The following C8orf34 variants were observed in gnomAD, a reference collection of about 807,000 sequenced individuals.
C8orf34 encodes chromosome 8 open reading frame 34, also known as uncharacterized protein C8orf34.
A neutral mutation model predicts 68.3 loss-of-function variants in C8orf34; 65 were observed. The ratio of observed to expected loss-of-function variants is 0.95; its 90% CI spans 0.78 to 1.17. The LOEUF (loss-of-function observed/expected upper bound fraction) is 1.17. C8orf34 is among the 50% of genes most tolerant of loss of function. C8orf34 has a pLI of 0.00. For synonymous variants in C8orf34, 244 were observed against 241.2 expected (o/e 1.01, Z -0.11); for missense variants, 664 against 655.4 (o/e 1.01, Z -0.14).
At chr8:68,720,600 T>C (rs1195313053) in intron 9 of C8orf34, among the ~76,000 whole-genome samples, 1 of 151,916 alleles carries the variant, frequency 6.6e-6, no homozygotes, top group East Asian at 1.9e-4. Context: ...TAACTGATTT[T>C]TTTTTTTAAT....
chr8:68,575,604 A>G lies in C8orf34; in HGVS notation c.1105+42455A>G, dbSNP rs1359741403. Among the ~76,000 whole-genome samples the G allele has an allele frequency of 5.9e-5, 9 of 152,204 alleles. No individual in the cohort carries two copies. The South Asian group carries it at 1.7e-3, about 28-fold the overall frequency. On this transcript the variant is annotated intron_variant, in intron 7 of 13. Coordinates refer to ENST00000518698, the MANE Select transcript of C8orf34 (RefSeq NM_052958.4). ...ATATATTTTGTCAGTATAAGGGTGT[A>G]TAATCTCTACAGCTCATACACAATG...
At chr8:68,594,110 G>T (rs1817474573) in intron 7 of C8orf34, among the ~76,000 whole-genome samples, 1 of 151,944 alleles carries the variant, frequency 6.6e-6, no homozygotes, top group African/African-American at 2.4e-5. Flanking sequence ...AAAGTCTTGT[G>T]GTCTTGGGAT....
At chr8:68,356,782 C>T (rs1806766685) in intron 1 of C8orf34, among the ~76,000 whole-genome samples, 1 of 152,020 alleles carries the variant, frequency 6.6e-6, no homozygotes, top group Non-Finnish European at 1.5e-5. Context: ...TAGTATTCTA[C>T]ATGAAATATA....
chr8:68,550,082 A>G (rs1816015292), intron 7 of C8orf34, among the ~76,000 whole-genome samples: 1 of 151,852 alleles, frequency 6.6e-6, no homozygotes. Flanking sequence ...ATTAACATTT[A>G]AAGTAATTAT....
chr8:68,527,711 A>C (rs1815071951), intron 6 of C8orf34, among the ~76,000 whole-genome samples: 1 of 152,200 alleles, frequency 6.6e-6, no homozygotes. Flanking sequence ...TTTGCTCTAC[A>C]GTCTCTCTTC....
At chr8:68,731,969 G>A (rs150418451) in intron 10 of C8orf34, among the ~76,000 whole-genome samples, 28 of 152,314 alleles carry the variant, frequency 1.8e-4, no homozygotes, top group East Asian at 1.5e-3. Flanking sequence ...CTTTCATTCC[G>A]TGCAAGCAGC....
chr8:68,751,155 G>A (rs570447710), intron 10 of C8orf34, among the ~76,000 whole-genome samples: 16 of 152,232 alleles, frequency 1.1e-4, no homozygotes, highest in Non-Finnish European at 2.1e-4. Flanking sequence ...GGAAATTCAC[G>A]TTGTGTTTAA....
intron 8 of C8orf34, among the ~76,000 whole-genome samples, chr8:68,670,760 C>T (rs962760081): frequency 6.6e-6 from 1 of 152,190 alleles, no homozygotes; most frequent in South Asian, 2.1e-4. Flanking sequence ...TACATATGCA[C>T]ATTAATTTGT....
At chr8:68,639,927 C>T (rs547212883) in intron 7 of C8orf34, among the ~76,000 whole-genome samples, 3 of 152,132 alleles carry the variant, frequency 2.0e-5, no homozygotes, top group Non-Finnish European at 2.9e-5. Context: ...TCGTTAGAAA[C>T]GGAGGATTTA....
intron 1 of C8orf34, among the ~76,000 whole-genome samples, chr8:68,334,486 A>G (rs1341221725): frequency 6.6e-6 from 1 of 151,794 alleles, no homozygotes; most frequent in Non-Finnish European, 1.5e-5. Flanking sequence ...GTTTGTGTAC[A>G]CACACATTTT....
At chr8:68,383,152 A>G (rs1808114318) in intron 1 of C8orf34, among the ~76,000 whole-genome samples, 2 of 152,208 alleles carry the variant, frequency 1.3e-5, no homozygotes, top group African/African-American at 4.8e-5. Flanking sequence ...CACACACTTG[A>G]GAGTGAAATT....
In C8orf34 at chr8:68,725,746, C is replaced by T. The variant is rs549217059; in HGVS notation, c.1404+4309C>T. Among the ~76,000 whole-genome samples the T allele has an allele frequency of 7.2e-5, 11 of 152,212 alleles. No homozygotes were observed. In the South Asian group the frequency reaches 2.3e-3, roughly 32 times the overall value. ...AGGGCAGGACAAAAACTCATGGTTC[C>T]CAGTGCCCAAACTGTCTTTCATAGA... is the stretch of plus-strand genomic sequence containing the variant. On this transcript the variant is annotated intron_variant, in intron 10 of 13. Transcript: ENST00000518698.
At chr8:68,534,501 A>T in intron 7 of C8orf34, 1 of 616,010 alleles carries the variant, frequency 1.6e-6, no homozygotes, top group Non-Finnish European at 2.0e-6. Context: ...TAACTGCGCT[A>T]ATTGGATGAA....
intron 7 of C8orf34, among the ~76,000 whole-genome samples, chr8:68,575,040 AAAT>A (rs1341546210): frequency 6.6e-6 from 1 of 151,966 alleles, no homozygotes; most frequent in Non-Finnish European, 1.5e-5. Flanking sequence ...TTTTAAAGTA[AAAT>A]AATAAGTTTA....
At position 68,446,310 on chromosome 8, in the gene C8orf34, A is replaced by G. The variant is rs1191515551; in HGVS notation, c.476-19A>G. The G allele has an allele frequency of 1.6e-5, 25 of 1,563,604 alleles. No individual in the cohort carries two copies. Among genetic ancestry groups the G allele is most frequent in the Non-Finnish European group, 1.8e-5 (21 of 1,160,800 alleles). Reference sequence around the variant, plus strand: ...TGAAATCACTTTGTTGCCATTTTATATATATTTTGTTTTAACAGAATCCAA... The same window carrying G: ...TGAAATCACTTTGTTGCCATTTTATGTATATTTTGTTTTAACAGAATCCAA... On this transcript the variant is annotated intron_variant, in intron 2 of 13. Coordinates refer to ENST00000518698, the MANE Select transcript of C8orf34 (RefSeq NM_052958.4).
intron 7 of C8orf34, among the ~76,000 whole-genome samples, chr8:68,537,297 C>G (rs1405992528): frequency 2.0e-5 from 3 of 152,014 alleles, no homozygotes; most frequent in African/African-American, 7.2e-5. Context: ...TAATCTAAAA[C>G]ACAAGGGACT....
intron 7 of C8orf34, among the ~76,000 whole-genome samples, chr8:68,591,183 A>T (rs1056319972): frequency 6.6e-5 from 10 of 152,156 alleles, no homozygotes; most frequent in Admixed American, 6.6e-4. Context: ...TTCAGAAGAA[A>T]ATCGCCAAAC....
At chr8:68,385,251 A>G (rs187528745) in intron 1 of C8orf34, among the ~76,000 whole-genome samples, 1 of 152,272 alleles carries the variant, frequency 6.6e-6, no homozygotes, top group East Asian at 1.9e-4. Flanking sequence ...AGGCACAGAG[A>G]GGTTAAGAAA....
chr8:68,497,401 C>T (rs1232825809), intron 5 of C8orf34, among the ~76,000 whole-genome samples: 1 of 152,190 alleles, frequency 6.6e-6, no homozygotes, highest in Non-Finnish European at 1.5e-5. Context: ...CAATTTCACA[C>T]ATTGCTAGTG....
Sources: allele counts gnomAD v4.1 joint callset (sites outside exome capture counted in the v4.1 genomes callset), GRCh38; gene constraint gnomAD v4.1.1; transcripts MANE v1.5; gene names NCBI Gene and HGNC (gene_info 2026-07-23, HGNC 2026-07-21).